EPHA6: variants seen among roughly 807,000 people sequenced by gnomAD.
EPHA6 encodes the protein ephrin type-A receptor 6.
A neutral mutation model predicts 112.0 loss-of-function variants in EPHA6; 50 were observed. The observed-to-expected ratio is 0.45, with a 90% CI of 0.36 to 0.56. The LOEUF is 0.56. Ranked by LOEUF, EPHA6 falls within the 20% of genes least tolerant of loss-of-function variation. EPHA6 has a pLI of 0.00. For synonymous variants in EPHA6, 529 were observed against 490.7 expected (o/e 1.08, Z -1.03); for missense variants, 1,280 against 1,417.4 (o/e 0.90, Z 1.56).
chr3:97,506,032 T>C (rs2092243589), intron 10 of EPHA6, among the ~76,000 whole-genome samples: 1 of 152,110 alleles, frequency 6.6e-6, no homozygotes, highest in South Asian at 2.1e-4. Flanking sequence ...TTTGATGGGG[T>C]TGTTTTTTTC....
chr3:97,037,777 T>C (rs1395260119), intron 3 of EPHA6, among the ~76,000 whole-genome samples: 1 of 151,996 alleles, frequency 6.6e-6, no homozygotes, highest in Non-Finnish European at 1.5e-5. Context: ...CAAGAGGATA[T>C]ATGTCTAAGC....
intron 3 of EPHA6, among the ~76,000 whole-genome samples, chr3:97,185,797 A>T (rs2077111891): frequency 6.6e-6 from 1 of 152,154 alleles, no homozygotes; most frequent in South Asian, 2.1e-4. Flanking sequence ...ACAATAGCAA[A>T]GACTTGGAAC....
intron 14 of EPHA6, among the ~76,000 whole-genome samples, chr3:97,641,429 G>A (rs988723538): frequency 1.3e-5 from 2 of 152,162 alleles, no homozygotes; most frequent in Admixed American, 6.5e-5. Context: ...GAAAAGGGTG[G>A]GGGAGGAGCC....
At chr3:96,826,601 T>C (rs1475626450) in intron 1 of EPHA6, among the ~76,000 whole-genome samples, 2 of 152,108 alleles carry the variant, frequency 1.3e-5, no homozygotes, top group Non-Finnish European at 2.9e-5. Flanking sequence ...TTTATGTGCA[T>C]TGGCTATTTT....
intron 10 of EPHA6, among the ~76,000 whole-genome samples, chr3:97,507,392 G>A (rs1029850087): frequency 9.2e-5 from 14 of 152,078 alleles, no homozygotes; most frequent in African/African-American, 1.4e-4. Context: ...GAATTTTATC[G>A]AAGGCCTTTT....
At chr3:97,049,738 A>T (rs1440345231) in intron 3 of EPHA6, among the ~76,000 whole-genome samples, 2 of 152,070 alleles carry the variant, frequency 1.3e-5, no homozygotes, top group Non-Finnish European at 2.9e-5. Flanking sequence ...GGCTATTTCC[A>T]CTCCTGATGC....
At chr3:97,078,242 T>A (rs2046602839) in intron 3 of EPHA6, among the ~76,000 whole-genome samples, 1 of 152,016 alleles carries the variant, frequency 6.6e-6, no homozygotes, top group Non-Finnish European at 1.5e-5. Context: ...GATGTGATTG[T>A]TTGTTTTTTT....
At chr3:97,596,886 A>G (rs1245309078) in intron 12 of EPHA6, among the ~76,000 whole-genome samples, 5 of 134,052 alleles carry the variant, frequency 3.7e-5, no homozygotes, top group African/African-American at 1.5e-4. Flanking sequence ...ATATATATAT[A>G]TATATATATA....
At chr3:97,215,445 T>C (rs2078006118) in intron 3 of EPHA6, among the ~76,000 whole-genome samples, 2 of 152,100 alleles carry the variant, frequency 1.3e-5, no homozygotes, top group Admixed American at 1.3e-4. Flanking sequence ...GAGAAATTGT[T>C]GTATAAGATA....
At chr3:97,376,841 A>G (rs933844033) in intron 5 of EPHA6, among the ~76,000 whole-genome samples, 1 of 152,236 alleles carries the variant, frequency 6.6e-6, no homozygotes. Context: ...TCATGATTTC[A>G]TGATGCAGAT....
chr3:96,866,100 G>C (rs756125702), intron 1 of EPHA6, among the ~76,000 whole-genome samples: 1 of 151,974 alleles, frequency 6.6e-6, no homozygotes, highest in African/African-American at 2.4e-5. Flanking sequence ...ATTGGATCCC[G>C]TTTGTGAAGT....
chr3:96,855,281 C>A (rs2035627632), intron 1 of EPHA6, among the ~76,000 whole-genome samples: 1 of 152,136 alleles, frequency 6.6e-6, no homozygotes, highest in Admixed American at 6.6e-5. Flanking sequence ...ATTCCATCTG[C>A]AACCTTAATT....
At chr3:97,670,706 G>A (rs1389269621) in intron 14 of EPHA6, among the ~76,000 whole-genome samples, 1 of 152,194 alleles carries the variant, frequency 6.6e-6, no homozygotes, top group Non-Finnish European at 1.5e-5. Context: ...TTTGAAAGAT[G>A]TCTGATATTT....
intron 5 of EPHA6, among the ~76,000 whole-genome samples, chr3:97,345,852 C>A (rs1045662686): frequency 6.6e-6 from 1 of 151,884 alleles, no homozygotes; most frequent in Non-Finnish European, 1.5e-5. Context: ...TGAGTAACTG[C>A]AAGAAAAAAT....
At chr3:97,086,652 A>C (rs1188615039) in intron 3 of EPHA6, among the ~76,000 whole-genome samples, 2 of 152,058 alleles carry the variant, frequency 1.3e-5, no homozygotes, top group Non-Finnish European at 2.9e-5. Flanking sequence ...GTAATTTTTA[A>C]CATTCAGTGG....
intron 2 of EPHA6, among the ~76,000 whole-genome samples, chr3:96,910,756 C>G (rs963886032): frequency 2.6e-5 from 4 of 151,960 alleles, no homozygotes; most frequent in Non-Finnish European, 4.4e-5. Context: ...AATAGTCTTC[C>G]CAATTCATCA....
chr3:97,606,853 T>C (rs1206000528), intron 12 of EPHA6, among the ~76,000 whole-genome samples: 1 of 151,058 alleles, frequency 6.6e-6, no homozygotes. Flanking sequence ...ATAGATTAAA[T>C]AACTGGTCCA....
rs546492636 is a variant in EPHA6, at chr3:97,736,102, G to A, written c.3112G>A (p.Val1038Met). 5 of 1,611,622 alleles carry A rather than the reference G, an allele frequency of 3.1e-6. No homozygotes were observed. In the East Asian group the frequency reaches 1.1e-4, roughly 36 times the overall value. Residue 1038 changes from valine (V) to methionine (M), a missense_variant, in exon 16 of 18, where the codon GTG becomes ATG. By Grantham distance (21) the Val-to-Met change is conservative. Transcript: ENST00000389672. ...AAATCCCAGTGCCCTTCACACCCTG[G>A]TGGAGGACATCCTTGTGTAAGAGGC... Reference protein sequence around the residue: ...IRNPSALHTLVEDILVMPESP... With the variant: ...IRNPSALHTLMEDILVMPESP...
rs147079987 is a variant in EPHA6, at chr3:97,581,425, A to G, written c.2387-11187A>G. Among the ~76,000 whole-genome samples the G allele has an allele frequency of 5.9e-5, 9 of 152,330 alleles. No homozygotes were observed. The East Asian group carries it at 1.5e-3, about 26-fold the overall frequency. ...TGTTACCTTTACAATTAACCCCTAT[A>G]TGCAACATGCCATGCCAAGTTCTAT... is the stretch of plus-strand genomic sequence containing the variant. On this transcript the variant is annotated intron_variant, in intron 11 of 17. Coordinates refer to ENST00000389672, the MANE Select transcript of EPHA6 (RefSeq NM_001080448.3).
Sources: allele counts gnomAD v4.1 joint callset (sites outside exome capture counted in the v4.1 genomes callset), GRCh38; gene constraint gnomAD v4.1.1; transcripts MANE v1.5; gene names NCBI Gene and HGNC (gene_info 2026-07-23, HGNC 2026-07-21).